TGM4: variants seen among roughly 807,000 people sequenced by gnomAD.
The protein encoded by TGM4 is transglutaminase 4.
In TGM4, 61 loss-of-function variants were observed where a neutral mutation model predicts 76.3. The observed-to-expected ratio is 0.80, with a 90% CI of 0.65 to 0.99. The LOEUF (loss-of-function observed/expected upper bound fraction) is 0.99. Among genes scored for constraint, TGM4 ranks in the 50% least tolerant of loss-of-function variants. The pLI, the probability that TGM4 is intolerant of heterozygous loss-of-function variation, is 0.00. For synonymous variants in TGM4, 337 were observed against 329.8 expected, an observed-to-expected ratio of 1.02 and a Z score of -0.24; for missense variants, 794 against 843.2, an observed-to-expected ratio of 0.94 and a Z score of 0.72.
rs146828195 is a variant in TGM4 at position 44,900,027 on chromosome 3, C to T, written c.658-1497C>T. On this transcript the variant is annotated intron_variant, in intron 6 of 13. Coordinates refer to ENST00000296125, the MANE Select transcript of TGM4 (RefSeq NM_003241.4). The stretch of plus-strand genomic sequence containing the variant: ...GAGAGGGGATTACTGGGGACCATCT[C>T]GGTGACTGCCTACCATGCCTGGGCA... Among the ~76,000 whole-genome samples the T allele has an allele frequency of 1.2e-4, 19 of 152,204 alleles. 1 individual carries two copies. Among genetic ancestry groups the T allele is most frequent in the Admixed American group, 9.8e-4 (15 of 15,280 alleles).
At chr3:44,894,512 C>CT (rs79580798) in intron 5 of TGM4, among the ~76,000 whole-genome samples, 85,756 of 146,920 alleles carry the variant, frequency 0.58, 25,535 homozygotes, top group East Asian at 0.91. Context: ...TGACAAAGAG[C>CT]TCTAAAGAAG....
chr3:44,876,400 G>C (rs1013556835), intron 1 of TGM4: 1 of 152,212 alleles, frequency 6.6e-6, no homozygotes, highest in Non-Finnish European at 1.5e-5. Flanking sequence ...TCATGAATAT[G>C]ATTTCATTTG....
At chr3:44,896,105 T>C (rs777572984) in intron 5 of TGM4, among the ~76,000 whole-genome samples, 31 of 152,262 alleles carry the variant, frequency 2.0e-4, no homozygotes, top group Non-Finnish European at 4.1e-4. Context: ...TTTATTTATT[T>C]ATTTTTATTA....
intron 4 of TGM4, among the ~76,000 whole-genome samples, chr3:44,891,512 TACACACAC>T (rs9311363): frequency 1.4e-5 from 2 of 148,020 alleles, no homozygotes; most frequent in African/African-American, 5.0e-5. Context: ...CTCCCTCCTC[TACACACAC>T]ACACACACAC....
chr3:44,901,813 C>T lies in TGM4; in HGVS notation c.853C>T (p.Pro285Ser). The change falls in exon 8 of 14, where the codon CCA becomes TCA. Residue 285 changes from proline to serine, a missense_variant. Transcript: ENST00000296125. ...LTTVLRALGI[P>S]ARSVTGFDSA... ...TTCAGTGCTGAGAGCGTTGGGCATC[C>T]CAGCACGCAGTGTGACAGGCTTCGA... 6.2e-7 allele frequency: 1 copy of T among 1,614,126 alleles called. No homozygotes were observed. The highest frequency in any genetic ancestry group is 8.5e-7 in the Non-Finnish European group (1 of 1,180,004).
intron 3 of TGM4, 24 bp from the exon 4 acceptor site, chr3:44,890,579 C>T (rs764190141): frequency 3.1e-6 from 5 of 1,611,960 alleles, no homozygotes; most frequent in Non-Finnish European, 4.2e-6. Context: ...GGGAGATGTC[C>T]ACCTTATCTT....
intron 1 of TGM4, among the ~76,000 whole-genome samples, chr3:44,877,167 C>T (rs2125745338): frequency 1.3e-5 from 2 of 152,186 alleles, no homozygotes; most frequent in Admixed American, 1.3e-4. Flanking sequence ...TTAGCCGTGG[C>T]CCAGCAAGGT....
At chr3:44,877,821 C>A (rs552244555) in intron 1 of TGM4, among the ~76,000 whole-genome samples, 1 of 152,296 alleles carries the variant, frequency 6.6e-6, no homozygotes, top group African/African-American at 2.4e-5. Flanking sequence ...TGGAAGATTT[C>A]TCTTACAAAT....
At chr3:44,896,042 A>G (rs910253144) in intron 5 of TGM4, among the ~76,000 whole-genome samples, 2 of 152,240 alleles carry the variant, frequency 1.3e-5, no homozygotes, top group African/African-American at 4.8e-5. Flanking sequence ...ACTAAGGCTT[A>G]CATAGTTGTA....
chr3:44,910,235 C>T lies in TGM4; in HGVS notation c.1473C>T (p.Thr491=), dbSNP rs142547927. ...TGCTGGGAAACTCTGTTAATTTCAC[C>T]GTGATTCTTAAAAGGAAGACCGCTG... The part of the protein sequence containing the change: ...DVLLGNSVNF[T]VILKRKTAAL... Residue 491 remains threonine (T), a synonymous_variant, in exon 11 of 14, where the codon ACC becomes ACT. Coordinates refer to ENST00000296125, the MANE Select transcript of TGM4 (RefSeq NM_003241.4). 92 of 1,614,154 alleles carry T rather than the reference C, an allele frequency of 5.7e-5. No individual in the cohort carries two copies. The highest frequency in any genetic ancestry group is 4.7e-4 in the African/African-American group (35 of 75,026).
chr3:44,913,950 C>T lies in TGM4; in HGVS notation c.*225C>T. 2.1e-6 allele frequency: 1 copy of T among 483,586 alleles called. No individual in the cohort carries two copies. Among genetic ancestry groups the T allele is most frequent in the Non-Finnish European group, 3.6e-6 (1 of 279,806 alleles). The allele number at this position is 483,586 out of a possible 1,614,324, so 30.0% of individuals were successfully genotyped here. ...CAGTTAGAAACACCAGCCGAGGCCA[C>T]AGAATCCCATCCCTTTCCTGAGTCA... On this transcript the variant is annotated 3_prime_UTR_variant, in exon 14 of 14. Coordinates refer to ENST00000296125, the MANE Select transcript of TGM4 (RefSeq NM_003241.4).
intron 2 of TGM4, among the ~76,000 whole-genome samples, chr3:44,886,766 C>T (rs1479391571): frequency 1.3e-5 from 2 of 152,202 alleles, no homozygotes; most frequent in Non-Finnish European, 2.9e-5. Context: ...TAAAGCAGTT[C>T]CTGCCTCCTA....
Position 44,910,083 on chromosome 3 carries a change from C to G in TGM4, c.1328-7C>G. 1 of 1,611,582 alleles carries G rather than the reference C, an allele frequency of 6.2e-7. No homozygotes were observed. Among genetic ancestry groups the G allele is most frequent in the Non-Finnish European group, 8.5e-7 (1 of 1,178,524 alleles). ...CCTGAAGGAAGCTGCCTTTGTGTCT[C>G]TTTCAGGCTCCTCTGAGGAGAGGCA... On this transcript the variant is annotated splice_polypyrimidine_tract_variant and splice_region_variant and intron_variant, in intron 10 of 13. Coordinates refer to ENST00000296125, the MANE Select transcript of TGM4 (RefSeq NM_003241.4).
At chr3:44,897,118 C>T (rs1699790565) in intron 6 of TGM4, among the ~76,000 whole-genome samples, 1 of 151,320 alleles carries the variant, frequency 6.6e-6, no homozygotes, top group South Asian at 2.1e-4. Context: ...CAATTCTCTG[C>T]CTCAGCCTCC....
intron 1 of TGM4, among the ~76,000 whole-genome samples, chr3:44,883,942 G>T (rs554554783): frequency 9.8e-4 from 149 of 152,292 alleles, no homozygotes; most frequent in African/African-American, 3.5e-3. Flanking sequence ...GCAGAGGAAG[G>T]TCCCTGCATC....
At position 44,890,665 on chromosome 3, in the gene TGM4, A is replaced by G; in HGVS notation, c.363A>G (p.Lys121=). The part of the protein sequence containing the change: ...AILGKYQLNV[K]TGNHILKSEE... The stretch of plus-strand genomic sequence containing the variant: ...TGGGCAAGTACCAACTAAACGTGAA[A>G]ACTGGAAACCACATCCTTAAGTCTG... Residue 121 remains lysine, a synonymous_variant, in exon 4 of 14, where the codon AAA becomes AAG. Transcript: ENST00000296125. The G allele has an allele frequency of 6.2e-7, 1 of 1,614,158 alleles. No homozygotes were observed. Among genetic ancestry groups the G allele is most frequent in the Non-Finnish European group, 8.5e-7 (1 of 1,180,028 alleles).
chr3:44,878,237 A>G (rs569409599), intron 1 of TGM4, among the ~76,000 whole-genome samples: 5 of 151,900 alleles, frequency 3.3e-5, no homozygotes, highest in Admixed American at 3.3e-4. Context: ...TGTGTGAGAG[A>G]GAGAGGGAGA....
chr3:44,881,622 C>T (rs1250782392), intron 1 of TGM4, among the ~76,000 whole-genome samples: 1 of 152,124 alleles, frequency 6.6e-6, no homozygotes, highest in African/African-American at 2.4e-5. Context: ...TTCAAGAGTC[C>T]CACTTGACCC....
intron 8 of TGM4, chr3:44,903,610 G>A: frequency 2.2e-6 from 1 of 458,476 alleles, no homozygotes. Flanking sequence ...AAGACTCCCA[G>A]GCTCTTTGAA....
Sources: gnomAD v4.1 joint callset for allele counts (sites outside exome capture counted in the v4.1 genomes callset) on GRCh38, gnomAD v4.1.1 for gene constraint, MANE v1.5 for transcripts, NCBI Gene and HGNC (gene_info 2026-07-23, HGNC 2026-07-21) for gene names.